NRXN1: variants seen among roughly 807,000 people sequenced by gnomAD.
NRXN1 encodes the protein neurexin-1.
In NRXN1, 39 loss-of-function variants were observed where a neutral mutation model predicts 150.9. The ratio of observed to expected loss-of-function variants is 0.26; its 90% CI spans 0.20 to 0.34. NRXN1 has a LOEUF of 0.34. NRXN1 is among the 10% of genes least tolerant of loss of function. The pLI is 1.00. For missense variants in NRXN1, 1,815 were observed against 1,949.9 expected (o/e 0.93, Z 1.30); for synonymous variants, 924 against 757.0 (o/e 1.22, Z -3.62).
At chr2:50,491,531 G>T (rs1049640331) in intron 15 of NRXN1, among the ~76,000 whole-genome samples, 2 of 152,114 alleles carry the variant, frequency 1.3e-5, no homozygotes, top group Non-Finnish European at 2.9e-5. Flanking sequence ...GAGATAAATG[G>T]GTGATGATCC....
chr2:50,477,613 A>G (rs1023357828), intron 15 of NRXN1, among the ~76,000 whole-genome samples: 2 of 152,248 alleles, frequency 1.3e-5, no homozygotes, highest in Non-Finnish European at 2.9e-5. Context: ...TCTTTGACTC[A>G]GCTTTCCTGT....
At chr2:50,738,814 T>A (rs1699077984) in intron 5 of NRXN1, among the ~76,000 whole-genome samples, 1 of 152,172 alleles carries the variant, frequency 6.6e-6, no homozygotes, top group African/African-American at 2.4e-5. Context: ...AATCACGATG[T>A]TAAAAGGCAA....
intron 5 of NRXN1, among the ~76,000 whole-genome samples, chr2:50,828,257 T>C (rs1028754241): frequency 7.3e-6 from 1 of 137,482 alleles, no homozygotes; most frequent in Admixed American, 7.2e-5. Context: ...ACGGGGCGGC[T>C]GGCCGGGCGG....
intron 5 of NRXN1, among the ~76,000 whole-genome samples, chr2:50,768,883 TGACA>T (rs891228400): frequency 3.3e-5 from 5 of 151,322 alleles, no homozygotes; most frequent in Non-Finnish European, 5.9e-5. Flanking sequence ...CAGCAGGCAG[TGACA>T]ACCACCACGA....
intron 17 of NRXN1, among the ~76,000 whole-genome samples, chr2:50,461,743 G>A (rs1573068743): frequency 6.6e-6 from 1 of 151,960 alleles, no homozygotes. Context: ...TACAATTTCA[G>A]AAGAGGGAAA....
rs184223908 is a variant in NRXN1 at position 50,506,888 on chromosome 2, C to T, written c.2375-271G>A. 4.7e-4 allele frequency: 174 copies of T among 373,108 alleles called. 1 individual carries two copies. The Middle Eastern group carries it at 0.018, about 38-fold the overall frequency. The allele number at this position is 373,108 out of a possible 1,614,324, so 23.1% of individuals were successfully genotyped here. A position where few individuals can be genotyped will look rare whatever the true frequency, so the allele number is the denominator to read the frequency against. ...GACCATTTAAGAATCTTTAATCCTA[C>T]GCATTGATCCATAACAAGTGAATTA... is the stretch of plus-strand genomic sequence containing the variant. On this transcript the variant is annotated intron_variant, in intron 12 of 22. Coordinates refer to ENST00000401669, the MANE Select transcript of NRXN1 (RefSeq NM_001330078.2).
At chr2:50,167,260 T>A (rs1019577391) in intron 18 of NRXN1, among the ~76,000 whole-genome samples, 2 of 152,136 alleles carry the variant, frequency 1.3e-5, no homozygotes, top group African/African-American at 4.8e-5. Flanking sequence ...CTGCCAAAAA[T>A]AGAATTCCTT....
At chr2:50,778,810 TA>T in intron 5 of NRXN1, among the ~76,000 whole-genome samples, 1 of 152,318 alleles carries the variant, frequency 6.6e-6, no homozygotes, top group South Asian at 2.1e-4. Flanking sequence ...ATGAATAACC[TA>T]AATTTATAAA....
intron 17 of NRXN1, among the ~76,000 whole-genome samples, chr2:50,431,700 G>A (rs967978514): frequency 1.3e-5 from 2 of 152,082 alleles, no homozygotes; most frequent in Non-Finnish European, 2.9e-5. Flanking sequence ...TATTGTCCAC[G>A]GCTGCTTTCA....
intron 5 of NRXN1, among the ~76,000 whole-genome samples, chr2:50,893,488 T>C (rs1312646332): frequency 2.0e-5 from 3 of 152,168 alleles, no homozygotes; most frequent in Non-Finnish European, 4.4e-5. Flanking sequence ...TTTGGTTTGG[T>C]TGTCATATCT....
At chr2:50,167,006 T>C (rs1559014218) in intron 18 of NRXN1, among the ~76,000 whole-genome samples, 1 of 152,172 alleles carries the variant, frequency 6.6e-6, no homozygotes, top group Non-Finnish European at 1.5e-5. Flanking sequence ...CATAGGCTGA[T>C]GGCATGTAGA....
intron 5 of NRXN1, among the ~76,000 whole-genome samples, chr2:50,625,221 G>A (rs543816306): frequency 2.2e-4 from 34 of 152,074 alleles, no homozygotes; most frequent in African/African-American, 7.7e-4. Flanking sequence ...CGCTTTCAAC[G>A]CATCAGTGCC....
At chr2:49,922,500 A>C (rs1335932153) in intron 22 of NRXN1, among the ~76,000 whole-genome samples, 2 of 152,174 alleles carry the variant, frequency 1.3e-5, no homozygotes, top group Non-Finnish European at 2.9e-5. Context: ...AGAGTTTGGT[A>C]AGCATTGTCC....
chr2:50,393,288 T>C (rs2081856978), intron 17 of NRXN1, among the ~76,000 whole-genome samples: 1 of 152,150 alleles, frequency 6.6e-6, no homozygotes. Flanking sequence ...CTGCCATTTA[T>C]TCTCAGAACT....
At chr2:50,541,734 T>C (rs755214689) in intron 9 of NRXN1, among the ~76,000 whole-genome samples, 8 of 110,876 alleles carry the variant, frequency 7.2e-5, no homozygotes, top group Non-Finnish European at 1.3e-4. Context: ...CTGAAACAAA[T>C]GTTTAAAAGA....
intron 5 of NRXN1, among the ~76,000 whole-genome samples, chr2:50,693,033 A>G (rs547628920): frequency 6.6e-6 from 1 of 152,276 alleles, no homozygotes; most frequent in African/African-American, 2.4e-5. Context: ...CTAGAAAAAT[A>G]CCTACTGGAT....
intron 5 of NRXN1, among the ~76,000 whole-genome samples, chr2:50,647,517 T>A (rs1192121784): frequency 6.6e-6 from 1 of 151,928 alleles, no homozygotes; most frequent in Non-Finnish European, 1.5e-5. Context: ...TGCTTGTGTA[T>A]AATCACACAA....
chr2:49,936,956 G>A (rs1046442205), intron 22 of NRXN1, among the ~76,000 whole-genome samples: 2 of 152,172 alleles, frequency 1.3e-5, no homozygotes, highest in African/African-American at 4.8e-5. Flanking sequence ...ACCAAACAAA[G>A]ATAGGCTTCT....
At chr2:50,523,315 G>A (rs2092848575) in intron 12 of NRXN1, among the ~76,000 whole-genome samples, 1 of 152,054 alleles carries the variant, frequency 6.6e-6, no homozygotes, top group South Asian at 2.1e-4. Context: ...TCCTAGGCAG[G>A]TGGATAGCAC....
Sources: allele counts gnomAD v4.1 joint callset (sites outside exome capture counted in the v4.1 genomes callset), GRCh38; gene constraint gnomAD v4.1.1; transcripts MANE v1.5; gene names NCBI Gene and HGNC (gene_info 2026-07-23, HGNC 2026-07-21).